The following ACTN4 variants were observed in gnomAD, a reference collection of about 807,000 sequenced individuals.
The protein encoded by ACTN4 is actinin alpha 4, also known as alpha-actinin-4.
In ACTN4, 18 loss-of-function variants were observed where a neutral mutation model predicts 114.2. The observed-to-expected ratio is 0.16, with a 90% CI of 0.11 to 0.23. ACTN4 has a LOEUF of 0.23. Among genes scored for constraint, ACTN4 ranks in the 10% least tolerant of loss-of-function variants. ACTN4 has a pLI of 1.00. For missense variants in ACTN4, 722 were observed against 1,262.9 expected (o/e 0.57, Z 6.49); for synonymous variants, 515 against 506.3 (o/e 1.02, Z -0.23).
intron 3 of ACTN4, 136 bp from the exon 4 acceptor site, chr19:38,704,798 G>C (rs1364062212): frequency 3.5e-5 from 26 of 750,134 alleles, no homozygotes; most frequent in Non-Finnish European, 5.7e-5. Flanking sequence ...GAGGAGGACA[G>C]GCCTGGGAGA....
intron 1 of ACTN4, among the ~76,000 whole-genome samples, chr19:38,690,380 C>T (rs913906764): frequency 8.5e-5 from 13 of 152,224 alleles, no homozygotes; most frequent in African/African-American, 3.1e-4. Flanking sequence ...GCTGCTCATT[C>T]GGGCTAGAGG....
At chr19:38,718,208 T>G in intron 11 of ACTN4, 134 bp downstream of exon 11, 1 of 1,427,408 alleles carries the variant, frequency 7.0e-7, no homozygotes, top group Non-Finnish European at 9.6e-7. Flanking sequence ...TTCTTGCTGC[T>G]TGGGAGCATG....
chr19:38,692,565 G>A (rs1052171647), intron 1 of ACTN4, among the ~76,000 whole-genome samples: 1 of 152,168 alleles, frequency 6.6e-6, no homozygotes, highest in African/African-American at 2.4e-5. Context: ...CCAGATTCCA[G>A]AAGGCTTAGC....
At position 38,726,882 on chromosome 19, in the gene ACTN4, A is replaced by G. The variant is rs372576851; in HGVS notation, c.2191-75A>G. On this transcript the variant is annotated intron_variant, in intron 17 of 20. Transcript: ENST00000252699. ...TCCCCAGGGCGGGAGGACAGTTCAC[A>G]GTCCTCCACGTGTGAACCACGGTGA... 1.5e-4 allele frequency: 246 copies of G among 1,597,910 alleles called. 5 individuals are homozygous for G. In the East Asian group the frequency reaches 4.6e-3, roughly 30 times the overall value.
Position 38,654,746 on chromosome 19 carries a change from C to G in ACTN4, c.162+6839C>G, listed in dbSNP as rs1372551646. ...TTTGGTTGTGTTTTTTCACGTCCCT[C>G]CCCTCCCCTTTCTCCATAAACAAGA... On this transcript the variant is annotated intron_variant, in intron 1 of 20. Coordinates refer to ENST00000252699, the MANE Select transcript of ACTN4 (RefSeq NM_004924.6). 2.6e-5 allele frequency among the ~76,000 whole-genome samples: 4 copies of G among 152,082 alleles called. No homozygotes were observed. In the South Asian group the frequency reaches 6.2e-4, roughly 24 times the overall value.
chr19:38,695,201 T>G (rs116229467), intron 1 of ACTN4, among the ~76,000 whole-genome samples: 88 of 152,332 alleles, frequency 5.8e-4, no homozygotes, highest in African/African-American at 1.9e-3. Flanking sequence ...GATAACTGTT[T>G]TGCTTCCTCC....
Position 38,717,789 on chromosome 19 carries a change from C to T in ACTN4, c.1144-138C>T. The T allele has an allele frequency of 8.5e-7, 1 of 1,177,546 alleles. No homozygotes were observed. Among genetic ancestry groups the T allele is most frequent in the Non-Finnish European group, 1.2e-6 (1 of 821,372 alleles). The allele number at this position is 1,177,546 out of a possible 1,614,324, so 72.9% of individuals were successfully genotyped here. On this transcript the variant is annotated intron_variant, in intron 10 of 20. Transcript: ENST00000252699. The surrounding 1 kb of genome is among the most constrained non-coding windows in gnomAD (Gnocchi z 4.0). ...GTGCTGGGGGGCCCTGTGTAGGCAT[C>T]CAGGTATAATAGCAAAGCATGACAC...
intron 1 of ACTN4, among the ~76,000 whole-genome samples, chr19:38,660,821 T>G (rs1471884908): frequency 1.3e-5 from 2 of 152,184 alleles, no homozygotes; most frequent in African/African-American, 2.4e-5. Flanking sequence ...AAGTTGAGGC[T>G]TTCAAGTTTA....
chr19:38,657,252 C>T (rs1050406105), intron 1 of ACTN4, among the ~76,000 whole-genome samples: 10 of 152,052 alleles, frequency 6.6e-5, no homozygotes, highest in African/African-American at 1.9e-4. Context: ...AAGTGATTCT[C>T]CTGCCTCAGC....
chr19:38,682,115 G>C (rs1219870095), intron 1 of ACTN4, among the ~76,000 whole-genome samples: 1 of 152,206 alleles, frequency 6.6e-6, no homozygotes, highest in East Asian at 1.9e-4. Context: ...ACAGGCGTGA[G>C]CCACCGCTCC....
chr19:38,711,424 C>A, intron 8 of ACTN4: 1 of 821,878 alleles, frequency 1.2e-6, no homozygotes, highest in Non-Finnish European at 1.5e-6. Flanking sequence ...ACCGCCCTTG[C>A]ATCACCGCTG....
chr19:38,725,626 G>C (rs1054394288), intron 16 of ACTN4, 98 bp from the exon 17 acceptor site: 5 of 1,437,776 alleles, frequency 3.5e-6, no homozygotes, highest in Admixed American at 2.0e-5. Flanking sequence ...AAGGGGCCCC[G>C]GGGAAGATGC....
At chr19:38,648,420 TGGG>T (rs1218081705) in intron 1 of ACTN4, among the ~76,000 whole-genome samples, 2 of 150,124 alleles carry the variant, frequency 1.3e-5, no homozygotes, top group Non-Finnish European at 3.0e-5. Context: ...AGCCTCAGGT[TGGG>T]GGAGTTATAA....
At position 38,647,656 on chromosome 19, in the gene ACTN4, C is replaced by G; in HGVS notation, c.-90C>G. On this transcript the variant is annotated 5_prime_UTR_variant, in exon 1 of 21. Transcript: ENST00000252699. ...GCGGGCGGAGGGCGGGCTGAAGCAG[C>G]TGAAGCGGCGGTAGCGGCGGCGGCT... 6 of 1,463,676 alleles carry G rather than the reference C, an allele frequency of 4.1e-6. No individual in the cohort carries two copies. The highest frequency in any genetic ancestry group is 2.4e-5 in the Admixed American group (1 of 42,072). 90.7% of individuals were successfully genotyped at this position (1,463,676 alleles called of 1,614,324 possible).
chr19:38,660,406 T>C (rs1976848305), intron 1 of ACTN4, among the ~76,000 whole-genome samples: 1 of 152,078 alleles, frequency 6.6e-6, no homozygotes, highest in Non-Finnish European at 1.5e-5. Flanking sequence ...TTTTTTTTCT[T>C]TCCTTTGAGA....
At chr19:38,722,089 T>A (rs947578551) in intron 12 of ACTN4, among the ~76,000 whole-genome samples, 2 of 152,206 alleles carry the variant, frequency 1.3e-5, no homozygotes, top group African/African-American at 4.8e-5. Context: ...AGTGAGCCTA[T>A]TGTTCTGCTC....
At chr19:38,709,244 C>T (rs998206058) in intron 6 of ACTN4, 151 bp from the exon 7 acceptor site, 12 of 719,038 alleles carry the variant, frequency 1.7e-5, no homozygotes, top group East Asian at 7.9e-5. Context: ...GGTGCCCTCC[C>T]GCTCACACAT....
intron 1 of ACTN4, among the ~76,000 whole-genome samples, chr19:38,675,665 T>G (rs1166786386): frequency 6.6e-6 from 1 of 152,372 alleles, no homozygotes; most frequent in South Asian, 2.1e-4. Context: ...GTTGCTATCA[T>G]GTGCACTTTG....
chr19:38,709,984 G>A (rs1399949504), intron 7 of ACTN4, among the ~76,000 whole-genome samples: 1 of 152,186 alleles, frequency 6.6e-6, no homozygotes, highest in Admixed American at 6.5e-5. Context: ...CTGGCCTCTG[G>A]TGGCCCTTGG....
Sources: gnomAD v4.1 joint callset for allele counts (sites outside exome capture counted in the v4.1 genomes callset) on GRCh38, gnomAD v4.1.1 for gene constraint, Gnocchi (gnomAD v3.1) non-coding constraint, MANE v1.5 for transcripts, NCBI Gene and HGNC (gene_info 2026-07-23, HGNC 2026-07-21) for gene names.